Variants in SNUPN observed in about 807,000 individuals in gnomAD.
SNUPN encodes snurportin-1.
A neutral mutation model predicts 39.2 loss-of-function variants in SNUPN; 31 were observed. The ratio of observed to expected loss-of-function variants is 0.79; its 90% CI spans 0.59 to 1.07. The LOEUF (loss-of-function observed/expected upper bound fraction) is 1.07, where lower values mean the gene tolerates loss of function less well. SNUPN is among the 50% of genes least tolerant of loss of function. The pLI, the probability that SNUPN is intolerant of heterozygous loss-of-function variation, is 0.00. For synonymous variants in SNUPN, 132 were observed against 159.0 expected (o/e 0.83, Z 1.28); for missense variants, 382 against 434.2 (o/e 0.88, Z 1.07).
At chr15:75,599,926 A>C (rs1275633656) in intron 8 of SNUPN, among the ~76,000 whole-genome samples, 2 of 150,578 alleles carry the variant, frequency 1.3e-5, no homozygotes, top group Admixed American at 6.6e-5. Context: ...GCTCAGTGCA[A>C]CCTCCGCCTC....
At chr15:75,617,659 G>C in intron 2 of SNUPN, 107 bp from the exon 3 acceptor site, 1 of 1,268,194 alleles carries the variant, frequency 7.9e-7, no homozygotes. Flanking sequence ...TCAGCTCACT[G>C]CAGCCTCAAC....
chr15:75,598,217 T>C lies in SNUPN; in HGVS notation c.*141A>G. On this transcript the variant is annotated 3_prime_UTR_variant, in exon 9 of 9. Transcript: ENST00000308588. ...AACTGTTTGAGCCAGCATTTCAGAT[T>C]ATAGATAAGCTGTTTCCAGCTGGAC... The C allele has an allele frequency of 1.5e-6, 1 of 650,410 alleles. No individual in the cohort carries two copies. The highest frequency in any genetic ancestry group is 2.6e-6 in the Non-Finnish European group (1 of 384,100). The allele number at this position is 650,410 out of a possible 1,614,324, so 40.3% of individuals were successfully genotyped here.
Position 75,605,149 on chromosome 15 carries a change from C to A in SNUPN, c.678+1G>T. 6.2e-7 allele frequency: 1 copy of A among 1,606,072 alleles called. No individual in the cohort carries two copies. The highest frequency in any genetic ancestry group is 1.1e-5 in the South Asian group (1 of 90,832). On this transcript the variant is annotated splice_donor_variant, in intron 7 of 8. Coordinates refer to ENST00000308588, the MANE Select transcript of SNUPN (RefSeq NM_005701.4). LOFTEE classifies it high-confidence loss of function. Reference sequence around the variant, plus strand: ...TCAGTGATCCTAACACCAGGCCTTACAGGATTAAGCTTGGTTTTCTCTCCC... The same window carrying A: ...TCAGTGATCCTAACACCAGGCCTTAAAGGATTAAGCTTGGTTTTCTCTCCC...
At position 75,609,664 on chromosome 15, in the gene SNUPN, A is replaced by G; in HGVS notation, c.409-13T>C. The G allele has an allele frequency of 1.3e-6, 2 of 1,590,062 alleles. No individual in the cohort carries two copies. The highest frequency in any genetic ancestry group is 1.7e-6 in the Non-Finnish European group (2 of 1,164,878). ...CACTGGTAGAACCCTGCATGGAGAG[A>G]AAGTTACCATTCTTATTAGACCTCA... On this transcript the variant is annotated splice_polypyrimidine_tract_variant and intron_variant, in intron 4 of 8. Coordinates refer to ENST00000308588, the MANE Select transcript of SNUPN (RefSeq NM_005701.4).
intron 2 of SNUPN, among the ~76,000 whole-genome samples, chr15:75,620,088 T>A (rs1052720431): frequency 6.6e-6 from 1 of 152,132 alleles, no homozygotes; most frequent in Non-Finnish European, 1.5e-5. Context: ...ACAAATGTAT[T>A]ACCTATTCAA....
chr15:75,611,188 CTT>C (rs2033899250), intron 3 of SNUPN, among the ~76,000 whole-genome samples: 1 of 150,970 alleles, frequency 6.6e-6, no homozygotes, highest in Non-Finnish European at 1.5e-5. Context: ...AAAAAAAAGA[CTT>C]TGTCCCATCA....
At position 75,607,111 on chromosome 15, in the gene SNUPN, G is replaced by A. The variant is rs906181692; in HGVS notation, c.600+105C>T. ...TAATGTTCTTGATATACCACATCCTGTGCACACCAAGAAGTTGGTCACATA... is the reference window on the plus strand; with the variant it reads ...TAATGTTCTTGATATACCACATCCTATGCACACCAAGAAGTTGGTCACATA... On this transcript the variant is annotated intron_variant, in intron 6 of 8. Transcript: ENST00000308588. 1.4e-5 allele frequency: 11 copies of A among 787,968 alleles called. No homozygotes were observed. In the African/African-American group the frequency reaches 1.7e-4, roughly 12 times the overall value. 48.8% of individuals were successfully genotyped at this position (787,968 alleles called of 1,614,324 possible). A position where few individuals can be genotyped will look rare whatever the true frequency, so the allele number is the denominator to read the frequency against.
At chr15:75,602,754 C>G (rs1286289336) in intron 7 of SNUPN, among the ~76,000 whole-genome samples, 1 of 151,746 alleles carries the variant, frequency 6.6e-6, no homozygotes, top group Non-Finnish European at 1.5e-5. Flanking sequence ...TATAGGTGCA[C>G]GCCACCATGC....
At chr15:75,609,695 T>C in intron 4 of SNUPN, 44 bp from the exon 5 acceptor site, 1 of 1,439,036 alleles carries the variant, frequency 6.9e-7, no homozygotes, top group Non-Finnish European at 9.6e-7. Flanking sequence ...CCTCAAGGTC[T>C]CCTCGCCCTC....
intron 1 of SNUPN, among the ~76,000 whole-genome samples, chr15:75,623,116 C>G (rs532189721): frequency 1.3e-5 from 2 of 152,144 alleles, no homozygotes; most frequent in African/African-American, 4.8e-5. Flanking sequence ...TCTTGAATAA[C>G]TGAACCTCTG....
chr15:75,613,334 A>G (rs1031085223), intron 3 of SNUPN, among the ~76,000 whole-genome samples: 7 of 151,936 alleles, frequency 4.6e-5, no homozygotes, highest in African/African-American at 1.4e-4. Flanking sequence ...CAAATGACCA[A>G]TACGCACAAG....
At chr15:75,608,941 A>ACCAGCCTGG (rs758675002) in intron 5 of SNUPN, among the ~76,000 whole-genome samples, 13 of 151,948 alleles carry the variant, frequency 8.6e-5, no homozygotes, top group Admixed American at 8.5e-4. Flanking sequence ...GGAGTTCAAG[A>ACCAGCCTGG]CCAGCCTGGC....
At position 75,623,272 on chromosome 15, in the gene SNUPN, G is replaced by A. The variant is rs547091984; in HGVS notation, c.-5-2216C>T. On this transcript the variant is annotated intron_variant, in intron 1 of 8. Transcript: ENST00000308588. ...TGATTCTCCTGCCTCAGCCTCCCGC[G>A]TAGCTGGGATTACAGGCGCCCGCCA... 2.2e-4 allele frequency among the ~76,000 whole-genome samples: 34 copies of A among 152,080 alleles called. 1 individual carries two copies. Among genetic ancestry groups the A allele is most frequent in the African/African-American group, 6.7e-4 (28 of 41,500 alleles).
chr15:75,616,134 A>C (rs1221129661), intron 3 of SNUPN, among the ~76,000 whole-genome samples: 4 of 145,444 alleles, frequency 2.8e-5, no homozygotes, highest in Non-Finnish European at 5.9e-5. Flanking sequence ...TCCAATAACC[A>C]TATTCTATTG....
intron 3 of SNUPN, among the ~76,000 whole-genome samples, chr15:75,615,340 T>A (rs1451907540): frequency 6.6e-6 from 1 of 151,928 alleles, no homozygotes; most frequent in Non-Finnish European, 1.5e-5. Context: ...ACATCTCTTC[T>A]GCCATACTCC....
chr15:75,617,596 T>C (rs1892970441), intron 2 of SNUPN, 44 bp from the exon 3 acceptor site: 1 of 1,568,220 alleles, frequency 6.4e-7, no homozygotes, highest in East Asian at 2.2e-5. Flanking sequence ...TTTCTTCTTT[T>C]TTTTTTTTTA....
Position 75,598,377 on chromosome 15 carries a change from C to A in SNUPN, c.1064G>T (p.Gly355Val), listed in dbSNP as rs567573472. The change falls in exon 9 of 9, where the codon GGA (glycine) becomes GTA (valine). Residue 355 changes from glycine to valine, a missense_variant. Gly to Val is a moderately radical substitution (Grantham distance 109). Coordinates refer to ENST00000308588, the MANE Select transcript of SNUPN (RefSeq NM_005701.4). Reference sequence around the variant, plus strand: ...CTCTCTTTAATTCTCCATGAGGCATCCAGGGTGGTCTGGGCTATGGGAAGA... The same window carrying A: ...CTCTCTTTAATTCTCCATGAGGCATACAGGGTGGTCTGGGCTATGGGAAGA... ...KGSSHSPDHPGCLMEN is the reference protein window; with the variant it reads ...KGSSHSPDHPVCLMEN 23 of 1,613,928 alleles carry A rather than the reference C, an allele frequency of 1.4e-5. No individual in the cohort carries two copies. The African/African-American group carries it at 2.8e-4, about 20-fold the overall frequency.
intron 1 of SNUPN, among the ~76,000 whole-genome samples, chr15:75,624,550 G>C (rs1486118091): frequency 6.7e-6 from 1 of 150,026 alleles, no homozygotes; most frequent in Non-Finnish European, 1.5e-5. Flanking sequence ...ACGGGCGCCT[G>C]TAGTCCCAGA....
At chr15:75,615,703 A>G (rs1237071398) in intron 3 of SNUPN, among the ~76,000 whole-genome samples, 3 of 141,674 alleles carry the variant, frequency 2.1e-5, no homozygotes, top group Admixed American at 7.7e-5. Context: ...CCAGGTTCAC[A>G]CCATTCTCCT....
Sources: gnomAD v4.1 joint callset for allele counts (sites outside exome capture counted in the v4.1 genomes callset) on GRCh38, gnomAD v4.1.1 for gene constraint, MANE v1.5 for transcripts, NCBI Gene and HGNC (gene_info 2026-07-23, HGNC 2026-07-21) for gene names.